USH2A: variants seen among roughly 807,000 people sequenced by gnomAD.
The protein encoded by USH2A is usherin.
A neutral mutation model predicts 538.9 loss-of-function variants in USH2A; 443 were observed. That is an observed-to-expected ratio of 0.82 (90% CI 0.76 to 0.89). The LOEUF is 0.89. Among genes scored for constraint, USH2A ranks in the 40% least tolerant of loss-of-function variants. USH2A has a pLI of 0.00. For synonymous variants in USH2A, 2,413 were observed against 2,273.5 expected, an observed-to-expected ratio of 1.06 and a Z score of -1.75; for missense variants, 6,633 against 6,324.8, an observed-to-expected ratio of 1.05 and a Z score of -1.65.
intron 38 of USH2A, among the ~76,000 whole-genome samples, chr1:215,931,638 A>T (rs498911): frequency 2.0e-5 from 3 of 151,866 alleles, no homozygotes; most frequent in Non-Finnish European, 2.9e-5. Context: ...TGAGGCCTGG[A>T]GGGCCTGAGT....
intron 64 of USH2A, among the ~76,000 whole-genome samples, chr1:215,661,854 G>A (rs997199367): frequency 9.9e-5 from 15 of 152,122 alleles, no homozygotes; most frequent in Admixed American, 2.6e-4. Context: ...TGTGGAAATC[G>A]TGCTGTCCCT....
intron 13 of USH2A, among the ~76,000 whole-genome samples, chr1:216,233,081 T>A (rs982503767): frequency 6.6e-6 from 1 of 152,126 alleles, no homozygotes; most frequent in African/African-American, 2.4e-5. Flanking sequence ...AGTTTGGACA[T>A]TTCACTTCTC....
intron 55 of USH2A, among the ~76,000 whole-genome samples, chr1:215,778,055 CT>C (rs72004094): frequency 1.3e-3 from 192 of 144,344 alleles, no homozygotes; most frequent in Non-Finnish European, 1.6e-3. Context: ...ACCCCATTAT[CT>C]TTTTTTTTTT....
At position 216,037,701 on chromosome 1, in the gene USH2A, A is replaced by G. The variant is rs1250681916; in HGVS notation, c.6325+8730T>C. ...TCAACTTTTTTTTAACTTTTATTTTAAGTTTAGGGGTACAAGGGCAGGCTT... is the reference window on the plus strand; with the variant it reads ...TCAACTTTTTTTTAACTTTTATTTTGAGTTTAGGGGTACAAGGGCAGGCTT... On this transcript the variant is annotated intron_variant, in intron 32 of 71. Transcript: ENST00000307340. Among the ~76,000 whole-genome samples, 6 of 152,024 alleles carry G rather than the reference A, an allele frequency of 3.9e-5. No homozygotes were observed. The East Asian group carries it at 7.7e-4, about 20-fold the overall frequency.
At chr1:216,150,561 C>T (rs995518024) in intron 21 of USH2A, among the ~76,000 whole-genome samples, 13 of 152,228 alleles carry the variant, frequency 8.5e-5, no homozygotes, top group East Asian at 3.9e-4. Flanking sequence ...CAACATCTCC[C>T]GTCTCCCTAC....
chr1:216,390,943 T>C (rs558000470), intron 3 of USH2A, among the ~76,000 whole-genome samples: 1 of 152,308 alleles, frequency 6.6e-6, no homozygotes, highest in East Asian at 1.9e-4. Context: ...CAGCATTCTG[T>C]CCAGAGATAA....
chr1:216,125,729 A>G (rs1311706185), intron 21 of USH2A, among the ~76,000 whole-genome samples: 1 of 152,214 alleles, frequency 6.6e-6, no homozygotes, highest in Middle Eastern at 3.2e-3. Context: ...TGGGGTGGAA[A>G]AAATAACTAG....
At chr1:216,290,935 C>A (rs968285268) in intron 10 of USH2A, among the ~76,000 whole-genome samples, 2 of 152,118 alleles carry the variant, frequency 1.3e-5, no homozygotes, top group African/African-American at 4.8e-5. Flanking sequence ...CTAAATATCT[C>A]TTGGATCCAT....
At chr1:216,400,757 A>C (rs1305462864) in intron 3 of USH2A, among the ~76,000 whole-genome samples, 1 of 152,168 alleles carries the variant, frequency 6.6e-6, no homozygotes, top group Non-Finnish European at 1.5e-5. Context: ...CATCTGAAAA[A>C]TTAGAAGCCA....
At chr1:215,738,898 G>A (rs188172438) in intron 60 of USH2A, among the ~76,000 whole-genome samples, 13 of 152,254 alleles carry the variant, frequency 8.5e-5, no homozygotes, top group East Asian at 5.8e-4. Context: ...AGGGCTCTAT[G>A]TAGTCTCAGA....
At chr1:216,351,488 C>T (rs2038287262) in intron 4 of USH2A, among the ~76,000 whole-genome samples, 1 of 152,084 alleles carries the variant, frequency 6.6e-6, no homozygotes, top group East Asian at 1.9e-4. Flanking sequence ...TTGTGTAAAA[C>T]AAGGAGAACA....
chr1:216,101,440 G>A (rs1236440973), intron 21 of USH2A, among the ~76,000 whole-genome samples: 3 of 152,304 alleles, frequency 2.0e-5, no homozygotes, highest in East Asian at 1.9e-4. Context: ...GATGTGACTT[G>A]TGTTGGCCAA....
chr1:215,922,130 C>A (rs1254046654), intron 38 of USH2A, among the ~76,000 whole-genome samples: 2 of 152,112 alleles, frequency 1.3e-5, no homozygotes, highest in Non-Finnish European at 2.9e-5. Flanking sequence ...GATGTAGCCA[C>A]AAGAGGCTCA....
intron 15 of USH2A, among the ~76,000 whole-genome samples, chr1:216,217,034 C>T (rs1052306976): frequency 6.6e-6 from 1 of 151,776 alleles, no homozygotes; most frequent in Non-Finnish European, 1.5e-5. Context: ...TGTCGGTGAC[C>T]AACTGTTTTG....
intron 8 of USH2A, among the ~76,000 whole-genome samples, chr1:216,322,627 A>G (rs559951961): frequency 3.0e-3 from 456 of 152,002 alleles, no homozygotes; most frequent in Non-Finnish European, 4.8e-3. Flanking sequence ...AAAAGAAAGA[A>G]AAAAGAATAT....
intron 9 of USH2A, among the ~76,000 whole-genome samples, chr1:216,319,627 C>G (rs1355293873): frequency 6.6e-6 from 1 of 152,040 alleles, no homozygotes; most frequent in Non-Finnish European, 1.5e-5. Context: ...AAGTTTTGGT[C>G]TGAGCACATA....
At position 215,766,725 on chromosome 1, in the gene USH2A, G is replaced by A. The variant is rs1399295591; in HGVS notation, c.11003C>T (p.Ser3668Leu). The change falls in exon 56 of 72, where the codon TCA becomes TTA. Residue 3668 changes from serine to leucine, a missense_variant. Transcript: ENST00000307340. ...LTACTSAGCT[S>L]SEPFLGQTLQ... is the part of the protein sequence containing the mutation. ...TGTCTGACCTAGAAAAGGCTCGCTT[G>A]AAGTGCACCCAGCAGATGTACAAGC... 6.2e-7 allele frequency: 1 copy of A among 1,613,606 alleles called. No homozygotes were observed. The highest frequency in any genetic ancestry group is 8.5e-7 in the Non-Finnish European group (1 of 1,179,682).
intron 21 of USH2A, among the ~76,000 whole-genome samples, chr1:216,137,779 C>G (rs187908497): frequency 1.3e-4 from 20 of 152,220 alleles, no homozygotes; most frequent in Admixed American, 1.3e-3. Context: ...TTTGGCAACA[C>G]CCTCACAGAC....
At chr1:215,906,817 A>G (rs556077914) in intron 38 of USH2A, among the ~76,000 whole-genome samples, 1 of 152,180 alleles carries the variant, frequency 6.6e-6, no homozygotes, top group African/African-American at 2.4e-5. Context: ...GAGAAAGAGT[A>G]TATTTTAAAA....
Sources: allele counts gnomAD v4.1 joint callset (sites outside exome capture counted in the v4.1 genomes callset), GRCh38; gene constraint gnomAD v4.1.1; transcripts MANE v1.5; gene names NCBI Gene and HGNC (gene_info 2026-07-23, HGNC 2026-07-21).